The following ALK variants were observed in gnomAD, a reference collection of about 807,000 sequenced individuals.
ALK encodes ALK tyrosine kinase receptor.
In ALK, 74 loss-of-function variants were observed where a neutral mutation model predicts 163.1. That is an observed-to-expected ratio of 0.45 (90% CI 0.38 to 0.55). The LOEUF (loss-of-function observed/expected upper bound fraction) is 0.55, where lower values mean the gene tolerates loss of function less well. Among genes scored for constraint, ALK ranks in the 20% least tolerant of loss-of-function variants. The pLI is 0.00. For synonymous variants in ALK, 960 were observed against 843.2 expected, an observed-to-expected ratio of 1.14 and a Z score of -2.40; for missense variants, 2,063 against 2,105.3, an observed-to-expected ratio of 0.98 and a Z score of 0.39.
At chr2:29,523,228 C>T (rs1289853585) in intron 4 of ALK, among the ~76,000 whole-genome samples, 4 of 152,204 alleles carry the variant, frequency 2.6e-5, no homozygotes. Context: ...ATGTCTTCCT[C>T]TCATCATCCA....
chr2:29,224,728 C>A (rs1663893859), intron 19 of ALK: 1 of 217,166 alleles, frequency 4.6e-6, no homozygotes, highest in Non-Finnish European at 9.3e-6. Context: ...ACGTAGTAAC[C>A]ATGCAACAAG....
At chr2:29,777,647 A>G (rs1681211667) in intron 1 of ALK, among the ~76,000 whole-genome samples, 2 of 152,204 alleles carry the variant, frequency 1.3e-5, no homozygotes, top group African/African-American at 4.8e-5. Context: ...GATGAGGGAC[A>G]GACTGACTGG....
intron 5 of ALK, among the ~76,000 whole-genome samples, chr2:29,377,036 C>T (rs997865101): frequency 3.3e-5 from 5 of 152,198 alleles, no homozygotes; most frequent in African/African-American, 1.2e-4. Context: ...CAAGAACTTG[C>T]CTTGTGAAAA....
chr2:29,875,084 T>C (rs1263657117), intron 1 of ALK, among the ~76,000 whole-genome samples: 2 of 152,206 alleles, frequency 1.3e-5, no homozygotes. Flanking sequence ...CATAGAATTA[T>C]TCACAATAGT....
intron 26 of ALK, among the ~76,000 whole-genome samples, chr2:29,202,780 A>G (rs994684119): frequency 6.6e-6 from 1 of 152,128 alleles, no homozygotes; most frequent in Non-Finnish European, 1.5e-5. Flanking sequence ...TAATTTTTCC[A>G]TCTCCTAGTT....
Position 29,640,300 on chromosome 2 carries a change from G to A in ALK, c.952+54550C>T, listed in dbSNP as rs558990690. 2.6e-5 allele frequency among the ~76,000 whole-genome samples: 4 copies of A among 152,342 alleles called. No homozygotes were observed. In the East Asian group the frequency reaches 7.7e-4, roughly 29 times the overall value. On this transcript the variant is annotated intron_variant, in intron 3 of 28. Coordinates refer to ENST00000389048, the MANE Select transcript of ALK (RefSeq NM_004304.5). ...GTTGGAGGTGGGGCTTGGTGGGGAA[G>A]GGACTGGATCATGGGGGTGGAATTC...
rs1476903182 is a variant in ALK, at chr2:29,232,365, G to C, written c.2571C>G (p.His857Gln). The change falls in exon 15 of 29, where the codon CAC (histidine) becomes CAG (glutamine). Residue 857 changes from histidine to glutamine, a missense_variant. Transcript: ENST00000389048. ...RAYGAKTDTF[H>Q]PERLENNSSV... Reference sequence around the variant, plus strand: ...AGGAGTTATTCTCCAGTCTCTCTGGGTGGAACGTGTCTGTCTTGGCCCCGT... The same window carrying C: ...AGGAGTTATTCTCCAGTCTCTCTGGCTGGAACGTGTCTGTCTTGGCCCCGT... 2 of 1,614,162 alleles carry C rather than the reference G, an allele frequency of 1.2e-6. No individual in the cohort carries two copies. The highest frequency in any genetic ancestry group is 1.7e-6 in the Non-Finnish European group (2 of 1,180,062).
chr2:29,282,767 C>A (rs1665748234), intron 9 of ALK, among the ~76,000 whole-genome samples: 1 of 152,128 alleles, frequency 6.6e-6, no homozygotes, highest in Admixed American at 6.5e-5. Flanking sequence ...CCAGGCTGAG[C>A]AAGCATGGAG....
intron 4 of ALK, among the ~76,000 whole-genome samples, chr2:29,442,284 T>C (rs1670565460): frequency 7.0e-6 from 1 of 143,146 alleles, no homozygotes; most frequent in South Asian, 2.5e-4. Context: ...AACTCTATTG[T>C]TACTTTCTTT....
At chr2:29,218,488 G>A (rs1669698808) in intron 23 of ALK, among the ~76,000 whole-genome samples, 2 of 152,164 alleles carry the variant, frequency 1.3e-5, no homozygotes, top group Non-Finnish European at 2.9e-5. Flanking sequence ...GCTGGACTAT[G>A]TTCTTTGTAA....
At chr2:29,708,799 G>A (rs1416590402) in intron 2 of ALK, among the ~76,000 whole-genome samples, 1 of 152,030 alleles carries the variant, frequency 6.6e-6, no homozygotes, top group African/African-American at 2.4e-5. Context: ...AACCTCTCTA[G>A]GCCTGTTTCC....
chr2:29,257,836 A>G (rs1299697211), intron 11 of ALK, among the ~76,000 whole-genome samples: 1 of 152,176 alleles, frequency 6.6e-6, no homozygotes, highest in Non-Finnish European at 1.5e-5. Flanking sequence ...GGCAAATATA[A>G]TAATTCATCC....
chr2:29,892,567 G>A (rs944945040), intron 1 of ALK, among the ~76,000 whole-genome samples: 8 of 152,046 alleles, frequency 5.3e-5, no homozygotes, highest in African/African-American at 1.7e-4. Flanking sequence ...TCAGCCCATT[G>A]GACCCTCACA....
At chr2:29,440,799 A>G (rs1384869116) in intron 4 of ALK, among the ~76,000 whole-genome samples, 1 of 152,246 alleles carries the variant, frequency 6.6e-6, no homozygotes, top group Non-Finnish European at 1.5e-5. Flanking sequence ...TCCAGAACAC[A>G]AGCGCAAAGG....
chr2:29,513,727 A>C (rs1056880016), intron 4 of ALK, among the ~76,000 whole-genome samples: 11 of 150,320 alleles, frequency 7.3e-5, no homozygotes, highest in African/African-American at 2.7e-4. Flanking sequence ...ACAAAATGGG[A>C]GAAAATTTTC....
At chr2:29,609,958 C>T (rs537333495) in intron 3 of ALK, among the ~76,000 whole-genome samples, 2 of 152,236 alleles carry the variant, frequency 1.3e-5, no homozygotes, top group Admixed American at 1.3e-4. Context: ...TACTCTCATA[C>T]AATTTTCCTT....
intron 4 of ALK, among the ~76,000 whole-genome samples, chr2:29,447,393 C>G (rs1268940374): frequency 6.6e-6 from 1 of 152,164 alleles, no homozygotes; most frequent in Non-Finnish European, 1.5e-5. Context: ...AACAGGCCTA[C>G]TGGCATGTGG....
At chr2:29,299,010 C>A (rs1278874955) in intron 8 of ALK, among the ~76,000 whole-genome samples, 1 of 152,164 alleles carries the variant, frequency 6.6e-6, no homozygotes, top group Non-Finnish European at 1.5e-5. Flanking sequence ...GGCTTGTAAC[C>A]ATTTCTTTGC....
At chr2:29,206,410 C>A (rs1388919675) in intron 26 of ALK, among the ~76,000 whole-genome samples, 2 of 151,882 alleles carry the variant, frequency 1.3e-5, no homozygotes, top group Non-Finnish European at 2.9e-5. Flanking sequence ...TAGCTGGGAC[C>A]ACATGCGTGC....
Sources: allele counts gnomAD v4.1 joint callset (sites outside exome capture counted in the v4.1 genomes callset), GRCh38; gene constraint gnomAD v4.1.1; transcripts MANE v1.5; gene names NCBI Gene and HGNC (gene_info 2026-07-23, HGNC 2026-07-21).